Variants in PHLPP1 observed in about 807,000 individuals in gnomAD.
PHLPP1 encodes the protein PH domain and leucine rich repeat protein phosphatase 1, also known as PH domain leucine-rich repeat-containing protein phosphatase 1.
PHLPP1 carries 42 observed loss-of-function variants against 117.2 expected under a neutral mutation model. The ratio of observed to expected loss-of-function variants is 0.36; its 90% CI spans 0.28 to 0.46. The LOEUF (loss-of-function observed/expected upper bound fraction) is 0.46. PHLPP1 is among the 20% of genes least tolerant of loss of function. The pLI, the probability that PHLPP1 is intolerant of heterozygous loss-of-function variation, is 1.00. For synonymous variants in PHLPP1, 1,042 were observed against 970.7 expected (o/e 1.07, Z -1.37); for missense variants, 2,084 against 2,241.9 (o/e 0.93, Z 1.42).
At chr18:62,799,235 T>A (rs1479082717) in intron 1 of PHLPP1, among the ~76,000 whole-genome samples, 1 of 152,184 alleles carries the variant, frequency 6.6e-6, no homozygotes, top group African/African-American at 2.4e-5. Context: ...AAAAATAACA[T>A]TTTGTTTCAT....
At chr18:62,790,828 A>C (rs537790034) in intron 1 of PHLPP1, among the ~76,000 whole-genome samples, 6 of 152,160 alleles carry the variant, frequency 3.9e-5, no homozygotes, top group Non-Finnish European at 8.8e-5. Flanking sequence ...GGATGGATAC[A>C]AGAGATGCTA....
At chr18:62,977,069 G>T (rs910431978) in intron 16 of PHLPP1, among the ~76,000 whole-genome samples, 2 of 152,184 alleles carry the variant, frequency 1.3e-5, no homozygotes, top group African/African-American at 4.8e-5. Context: ...ATGCTTTGGG[G>T]ACAGATTATG....
At chr18:62,945,516 T>C (rs950144245) in intron 12 of PHLPP1, among the ~76,000 whole-genome samples, 4 of 152,232 alleles carry the variant, frequency 2.6e-5, no homozygotes, top group African/African-American at 9.6e-5. Context: ...CCTCACTTAC[T>C]GTATGACATG....
At chr18:62,814,680 T>A (rs1914213498) in intron 1 of PHLPP1, among the ~76,000 whole-genome samples, 1 of 152,218 alleles carries the variant, frequency 6.6e-6, no homozygotes, top group Middle Eastern at 3.2e-3. Flanking sequence ...ATCATACTTT[T>A]CTTAGATTTT....
At chr18:62,969,838 T>C (rs1021181427) in intron 14 of PHLPP1, among the ~76,000 whole-genome samples, 1 of 152,236 alleles carries the variant, frequency 6.6e-6, no homozygotes, top group African/African-American at 2.4e-5. Flanking sequence ...ATCCTTTTAC[T>C]TTTAACCTAT....
At chr18:62,723,478 C>G (rs188169361) in intron 1 of PHLPP1, among the ~76,000 whole-genome samples, 2 of 152,310 alleles carry the variant, frequency 1.3e-5, no homozygotes, top group Admixed American at 1.3e-4. Flanking sequence ...GGGTTTTTCT[C>G]ACATTCTGTT....
chr18:62,804,017 C>T lies in PHLPP1; in HGVS notation c.1577-26018C>T, dbSNP rs566887076. 8.5e-5 allele frequency among the ~76,000 whole-genome samples: 13 copies of T among 152,084 alleles called. No individual in the cohort carries two copies. In the South Asian group the frequency reaches 2.7e-3, roughly 32 times the overall value. On this transcript the variant is annotated intron_variant, in intron 1 of 16. Transcript: ENST00000262719. Reference sequence around the variant, plus strand: ...GTTTTCACACTGCTATAAAGAACTGCCTGAGACTGGGAAATATATAAAGGG... The same window carrying T: ...GTTTTCACACTGCTATAAAGAACTGTCTGAGACTGGGAAATATATAAAGGG...
chr18:62,729,516 A>T (rs1463929021), intron 1 of PHLPP1, among the ~76,000 whole-genome samples: 1 of 152,168 alleles, frequency 6.6e-6, no homozygotes, highest in East Asian at 1.9e-4. Context: ...CCTACTAAAA[A>T]TACAAAAAAT....
intron 1 of PHLPP1, among the ~76,000 whole-genome samples, chr18:62,769,252 CCTT>C (rs1218649542): frequency 1.6e-4 from 25 of 152,178 alleles, no homozygotes; most frequent in Non-Finnish European, 2.5e-4. Flanking sequence ...CTTGACTAAG[CCTT>C]TTAGTATTGT....
rs1335742388 is a variant in PHLPP1 at position 62,898,007 on chromosome 18, C to CCTCCTCCCTT, written c.2444+2003_2444+2012dup. ...TTCTTCTGTGGCATCATTAATAATT[C>CCTCCTCCCTT]CTCCTCCCTTCTCCTCTTTCTCCTC... On this transcript the variant is annotated intron_variant, in intron 6 of 16. Coordinates refer to ENST00000262719, the MANE Select transcript of PHLPP1 (RefSeq NM_194449.4). 8.5e-5 allele frequency among the ~76,000 whole-genome samples: 6 copies of CCTCCTCCCTT among 70,798 alleles called. No homozygotes were observed. In the Admixed American group the frequency reaches 9.2e-4, roughly 11 times the overall value. 46.4% of individuals were successfully genotyped at this position (70,798 alleles called of 152,430 possible).
chr18:62,848,879 A>C lies in PHLPP1; in HGVS notation c.1899+9970A>C, dbSNP rs537907814. Reference sequence around the variant, plus strand: ...ATTACTGCTTTATGCATTAAGTTCTACTACCTTACTCCTTTTACTTATTTG... The same window carrying C: ...ATTACTGCTTTATGCATTAAGTTCTCCTACCTTACTCCTTTTACTTATTTG... On this transcript the variant is annotated intron_variant, in intron 3 of 16. Coordinates refer to ENST00000262719, the MANE Select transcript of PHLPP1 (RefSeq NM_194449.4). Among the ~76,000 whole-genome samples, 9 of 152,364 alleles carry C rather than the reference A, an allele frequency of 5.9e-5. No individual in the cohort carries two copies. The South Asian group carries it at 1.7e-3, about 28-fold the overall frequency.
At chr18:62,802,179 GA>G (rs1913805782) in intron 1 of PHLPP1, among the ~76,000 whole-genome samples, 3 of 152,294 alleles carry the variant, frequency 2.0e-5, no homozygotes, top group Admixed American at 2.0e-4. Flanking sequence ...CCAAAGAAAA[GA>G]AGAAAGGTTG....
intron 1 of PHLPP1, among the ~76,000 whole-genome samples, chr18:62,770,640 C>CT (rs1912731192): frequency 6.6e-6 from 1 of 151,736 alleles, no homozygotes; most frequent in Non-Finnish European, 1.5e-5. Flanking sequence ...TGTAGGATGT[C>CT]TTCATTAAAG....
chr18:62,835,111 G>C (rs576023159), intron 2 of PHLPP1, among the ~76,000 whole-genome samples: 11 of 151,206 alleles, frequency 7.3e-5, no homozygotes, highest in Admixed American at 4.0e-4. Context: ...ATGATGACAG[G>C]TTTCTTCCTT....
rs551252500 is a variant in PHLPP1 at position 62,931,998 on chromosome 18, A to C, written c.2961-9720A>C. 4.6e-5 allele frequency among the ~76,000 whole-genome samples: 7 copies of C among 152,272 alleles called. 1 individual carries two copies. In the South Asian group the frequency reaches 1.0e-3, roughly 23 times the overall value. On this transcript the variant is annotated intron_variant, in intron 10 of 16. Coordinates refer to ENST00000262719, the MANE Select transcript of PHLPP1 (RefSeq NM_194449.4). ...CAGAGAGTACTGCAAATATCTCTACACACACAAAGTAGAAAATCTAGAGGA... is the reference window on the plus strand; with the variant it reads ...CAGAGAGTACTGCAAATATCTCTACCCACACAAAGTAGAAAATCTAGAGGA...
chr18:62,947,225 T>C (rs2144461317), intron 12 of PHLPP1, among the ~76,000 whole-genome samples: 1 of 152,362 alleles, frequency 6.6e-6, no homozygotes, highest in Non-Finnish European at 1.5e-5. Context: ...AAAGAATTGG[T>C]ACTTCCTTTA....
intron 4 of PHLPP1, among the ~76,000 whole-genome samples, chr18:62,893,023 A>T (rs1407478013): frequency 6.6e-6 from 1 of 152,040 alleles, no homozygotes; most frequent in Admixed American, 6.6e-5. Context: ...AGTGATTATA[A>T]ATAATCAGAA....
At chr18:62,832,314 T>G (rs934149230) in intron 2 of PHLPP1, 1 of 152,158 alleles carries the variant, frequency 6.6e-6, no homozygotes, top group Non-Finnish European at 1.5e-5. Flanking sequence ...GAAGGAGAGA[T>G]TACATTTTTT....
intron 2 of PHLPP1, 70 bp from the exon 3 acceptor site, chr18:62,838,714 A>G (rs769576970): frequency 6.7e-7 from 1 of 1,495,766 alleles, no homozygotes; most frequent in Non-Finnish European, 9.3e-7. Flanking sequence ...GATCAGAGGC[A>G]TAGTTAGTGA....
Sources: gnomAD v4.1 joint callset for allele counts (sites outside exome capture counted in the v4.1 genomes callset) on GRCh38, gnomAD v4.1.1 for gene constraint, MANE v1.5 for transcripts, NCBI Gene and HGNC (gene_info 2026-07-23, HGNC 2026-07-21) for gene names.